The following ANKRD6 variants were observed in gnomAD, a reference collection of about 807,000 sequenced individuals.
The protein encoded by ANKRD6 is ankyrin repeat domain 6.
Under a neutral mutation model 82.3 loss-of-function variants are expected in ANKRD6, and 56 were observed. The ratio of observed to expected loss-of-function variants is 0.68; its 90% confidence interval spans 0.55 to 0.85. The LOEUF is 0.85. Ranked by LOEUF, ANKRD6 falls within the 40% of genes least tolerant of loss-of-function variation. The pLI, the probability that ANKRD6 is intolerant of heterozygous loss-of-function variation, is 0.00. For synonymous variants in ANKRD6, 347 were observed against 352.1 expected, an observed-to-expected ratio of 0.99 and a Z score of 0.16; for missense variants, 852 against 907.6, an observed-to-expected ratio of 0.94 and a Z score of 0.79.
At chr6:89,537,083 G>C (rs1196204038) in intron 1 of ANKRD6, among the ~76,000 whole-genome samples, 1 of 152,046 alleles carries the variant, frequency 6.6e-6, no homozygotes, top group East Asian at 1.9e-4. Flanking sequence ...CTGTGTGTGT[G>C]TACAGAAATA....
At chr6:89,525,573 G>A (rs928960136) in intron 1 of ANKRD6, among the ~76,000 whole-genome samples, 2 of 152,204 alleles carry the variant, frequency 1.3e-5, no homozygotes, top group African/African-American at 4.8e-5. Context: ...CCTCTGGCAT[G>A]GACCAAAGGT....
At chr6:89,543,187 C>G (rs1784636241) in intron 1 of ANKRD6, among the ~76,000 whole-genome samples, 1 of 152,162 alleles carries the variant, frequency 6.6e-6, no homozygotes, top group South Asian at 2.1e-4. Context: ...AAATATACTA[C>G]TTTTTATGAG....
At chr6:89,482,511 C>T (rs1297710845) in intron 1 of ANKRD6, among the ~76,000 whole-genome samples, 1 of 152,112 alleles carries the variant, frequency 6.6e-6, no homozygotes, top group African/African-American at 2.4e-5. Context: ...AAGGGGGTCC[C>T]TTTGTATCAG....
At chr6:89,437,658 A>G (rs1244219165) in intron 1 of ANKRD6, among the ~76,000 whole-genome samples, 2 of 152,234 alleles carry the variant, frequency 1.3e-5, no homozygotes, top group Non-Finnish European at 1.5e-5. Context: ...TATTCTAAAT[A>G]TAGCATACAA....
intron 1 of ANKRD6, among the ~76,000 whole-genome samples, chr6:89,469,044 G>A (rs982515243): frequency 3.9e-5 from 6 of 152,094 alleles, no homozygotes; most frequent in Admixed American, 1.3e-4. Context: ...AATTACCTTT[G>A]CACTTTCCTA....
intron 1 of ANKRD6, among the ~76,000 whole-genome samples, chr6:89,522,391 A>G (rs1781994880): frequency 1.3e-5 from 2 of 152,192 alleles, no homozygotes; most frequent in African/African-American, 2.4e-5. Flanking sequence ...AAAGAGTGTC[A>G]TAGAAAGAAC....
At chr6:89,484,857 T>C (rs753232340) in intron 1 of ANKRD6, among the ~76,000 whole-genome samples, 4 of 152,238 alleles carry the variant, frequency 2.6e-5, no homozygotes, top group Non-Finnish European at 4.4e-5. Flanking sequence ...TAGTGGAGTT[T>C]GGTACAGTGG....
chr6:89,551,707 G>T (rs1181214407), intron 1 of ANKRD6, among the ~76,000 whole-genome samples: 4 of 152,202 alleles, frequency 2.6e-5, no homozygotes, highest in Non-Finnish European at 5.9e-5. Context: ...ATTCACAGAA[G>T]AGTCTTAAGC....
intron 13 of ANKRD6, among the ~76,000 whole-genome samples, chr6:89,625,494 A>G (rs570163626): frequency 3.3e-5 from 5 of 152,168 alleles, no homozygotes; most frequent in Non-Finnish European, 5.9e-5. Context: ...TAATCCCTGT[A>G]GTCAGCCAGT....
At position 89,621,945 on chromosome 6, in the gene ANKRD6, A is replaced by G; in HGVS notation, c.816A>G (p.Arg272=). 1 of 1,613,926 alleles carries G rather than the reference A, an allele frequency of 6.2e-7. No homozygotes were observed. The highest frequency in any genetic ancestry group is 1.1e-5 in the South Asian group (1 of 91,084). The change falls in exon 10 of 16, where the codon CGA becomes CGG. Residue 272 remains arginine, a synonymous_variant. Transcript: ENST00000339746. ...AGGTCTTGCGCTTCAGTCGTGGGCG[A>G]AGCCTGAGGAAAAAGAGAGAGAGGC... ...APQVLRFSRG[R]SLRKKRERLK...
intron 1 of ANKRD6, among the ~76,000 whole-genome samples, chr6:89,457,522 A>C (rs1773630517): frequency 6.6e-6 from 1 of 152,154 alleles, no homozygotes; most frequent in Non-Finnish European, 1.5e-5. Flanking sequence ...TTTCAGGATA[A>C]ATTTTTATGC....
intron 2 of ANKRD6, among the ~76,000 whole-genome samples, chr6:89,592,793 C>T (rs986165202): frequency 5.9e-5 from 9 of 152,110 alleles, no homozygotes; most frequent in African/African-American, 2.2e-4. Flanking sequence ...TTGAGACACA[C>T]ACACAAAAAA....
intron 11 of ANKRD6, 46 bp downstream of exon 11, chr6:89,623,590 G>A (rs1350661282): frequency 1.3e-6 from 2 of 1,554,292 alleles, no homozygotes; most frequent in Non-Finnish European, 8.7e-7. Flanking sequence ...TGGGAGGCAG[G>A]GTGGCGAGGG....
chr6:89,501,911 C>G (rs776317977), intron 1 of ANKRD6, among the ~76,000 whole-genome samples: 12 of 152,006 alleles, frequency 7.9e-5, no homozygotes, highest in Non-Finnish European at 1.6e-4. Context: ...CTCATCACCT[C>G]CCCACAGGAT....
At chr6:89,548,282 A>G (rs1368090553) in intron 1 of ANKRD6, among the ~76,000 whole-genome samples, 2 of 152,204 alleles carry the variant, frequency 1.3e-5, no homozygotes, top group African/African-American at 2.4e-5. Flanking sequence ...AGAAGCATGC[A>G]CTATGTGGTG....
At chr6:89,559,757 AT>A (rs1008610313) in intron 1 of ANKRD6, among the ~76,000 whole-genome samples, 1 of 151,968 alleles carries the variant, frequency 6.6e-6, no homozygotes, top group Non-Finnish European at 1.5e-5. Flanking sequence ...TAGAGTGATA[AT>A]TTTTTTGGCC....
At chr6:89,541,938 C>T (rs557993987) in intron 1 of ANKRD6, among the ~76,000 whole-genome samples, 13 of 151,822 alleles carry the variant, frequency 8.6e-5, no homozygotes, top group African/African-American at 1.2e-4. Context: ...TTTGCACCTT[C>T]GATAAATAAT....
chr6:89,455,746 A>G (rs973507060), intron 1 of ANKRD6, among the ~76,000 whole-genome samples: 1 of 152,136 alleles, frequency 6.6e-6, no homozygotes, highest in African/African-American at 2.4e-5. Context: ...ACCTTCTGCT[A>G]TAATTGTAAG....
At chr6:89,448,858 G>A (rs1417863598) in intron 1 of ANKRD6, among the ~76,000 whole-genome samples, 5 of 151,690 alleles carry the variant, frequency 3.3e-5, no homozygotes, top group South Asian at 2.1e-4. Flanking sequence ...GTGAAACCCC[G>A]TTTCTACTAA....
Sources: allele counts gnomAD v4.1 joint callset (sites outside exome capture counted in the v4.1 genomes callset), GRCh38; gene constraint gnomAD v4.1.1; transcripts MANE v1.5; gene names NCBI Gene and HGNC (gene_info 2026-07-23, HGNC 2026-07-21).